LRRC37A2: variants seen among roughly 807,000 people sequenced by gnomAD.
LRRC37A2 encodes the protein leucine rich repeat containing 37 member A2, also known as leucine-rich repeat-containing protein 37A2.
LRRC37A2 carries 9 observed loss-of-function variants against 68.8 expected under a neutral mutation model. That is an observed-to-expected ratio of 0.13 (90% CI 0.08 to 0.23). The LOEUF is 0.23. Among genes scored for constraint, LRRC37A2 ranks in the 10% least tolerant of loss-of-function variants. LRRC37A2 has a pLI of 1.00. For missense variants in LRRC37A2, 168 were observed against 950.4 expected, an observed-to-expected ratio of 0.18 and a Z score of 10.82; for synonymous variants, 63 against 367.6, an observed-to-expected ratio of 0.17 and a Z score of 9.48.
At chr17:46,948,596 G>A in the LRRC37A2 span, 1 of 152,238 alleles carries the variant, frequency 6.6e-6, no homozygotes, top group African/African-American at 2.4e-5. Flanking sequence ...AAATGGGAAT[G>A]CTAATAATGG....
chr17:46,758,275 G>A, the LRRC37A2 span, among the ~76,000 whole-genome samples: 1 of 152,232 alleles, frequency 6.6e-6, no homozygotes, highest in Non-Finnish European at 1.5e-5. Context: ...AAGTCCACAA[G>A]GCCCTGTGGG....
At chr17:46,728,684 CTG>C in the LRRC37A2 span, among the ~76,000 whole-genome samples, 1 of 150,302 alleles carries the variant, frequency 6.7e-6, no homozygotes, top group East Asian at 1.9e-4. Flanking sequence ...AGTTTTATGA[CTG>C]TTATTTAAGA....
chr17:46,990,781 A>G, the LRRC37A2 span, among the ~76,000 whole-genome samples: 106,268 of 151,762 alleles, frequency 0.7, 37,815 homozygotes, highest in Middle Eastern at 0.78. Context: ...AGCAATTCTC[A>G]TGCCTCAGCC....
the LRRC37A2 span, chr17:46,726,666 A>G: frequency 6.8e-7 from 1 of 1,464,990 alleles, no homozygotes; most frequent in Non-Finnish European, 9.6e-7. Context: ...TACAGCTAAT[A>G]TCTCAAAAGT....
At chr17:46,718,232 G>T in the LRRC37A2 span, among the ~76,000 whole-genome samples, 1 of 152,074 alleles carries the variant, frequency 6.6e-6, no homozygotes, top group African/African-American at 2.4e-5. Context: ...GCCCCAACAC[G>T]TGCACCCCTG....
chr17:46,788,889 T>C, the LRRC37A2 span, among the ~76,000 whole-genome samples: 2 of 152,308 alleles, frequency 1.3e-5, no homozygotes, highest in South Asian at 4.2e-4. Flanking sequence ...CCCTGCTGGC[T>C]CTCTGGGCCT....
chr17:46,454,237 C>A, the LRRC37A2 span, among the ~76,000 whole-genome samples: 58 of 104,816 alleles, frequency 5.5e-4, 1 homozygote, highest in Middle Eastern at 0.011. Context: ...TAAGCACAGT[C>A]CATAAATTAA....
chr17:46,939,489 G>T, the LRRC37A2 span: 6 of 986,376 alleles, frequency 6.1e-6, no homozygotes, highest in Non-Finnish European at 7.2e-6. Context: ...TAATAGAGTG[G>T]TTGGCTTTTA....
At chr17:46,830,610 T>C in the LRRC37A2 span, 42 of 398,664 alleles carry the variant, frequency 1.1e-4, no homozygotes, top group African/African-American at 7.6e-4. Flanking sequence ...ATTCTTTTAC[T>C]TTATTTTCTT....
chr17:46,547,158 T>G lies in LRRC37A2; in HGVS notation c.3172+785T>G, dbSNP rs1459823058. ...TCAGTGTTGCTTATTTTTCAAAACTTTTTTTTTTTTTTTTTTTTTTTACCA... is the reference window on the plus strand; with the variant it reads ...TCAGTGTTGCTTATTTTTCAAAACTGTTTTTTTTTTTTTTTTTTTTTACCA... On this transcript the variant is annotated intron_variant, in intron 9 of 14. Coordinates refer to ENST00000576629, the Ensembl canonical transcript of LRRC37A2. 4 of 64,996 alleles carry G rather than the reference T, an allele frequency of 6.2e-5. 1 individual carries two copies. Among genetic ancestry groups the G allele is most frequent in the Non-Finnish European group, 1.3e-4 (4 of 30,870 alleles). The allele number at this position is 64,996 out of a possible 1,614,324, so 4.0% of individuals were successfully genotyped here. A position where few individuals can be genotyped will look rare whatever the true frequency, so the allele number is the denominator to read the frequency against.
chr17:46,747,374 T>C, the LRRC37A2 span, among the ~76,000 whole-genome samples: 1 of 152,058 alleles, frequency 6.6e-6, no homozygotes, highest in Admixed American at 6.5e-5. Context: ...TCAAACTCCT[T>C]GGCTCAAGCG....
the LRRC37A2 span, among the ~76,000 whole-genome samples, chr17:47,014,083 G>T: frequency 7.0e-6 from 1 of 143,282 alleles, no homozygotes; most frequent in African/African-American, 2.6e-5. Context: ...ACAAGAGTGA[G>T]ACTCCATCTC....
At chr17:46,725,473 A>G in the LRRC37A2 span, among the ~76,000 whole-genome samples, 1 of 152,190 alleles carries the variant, frequency 6.6e-6, no homozygotes, top group African/African-American at 2.4e-5. Flanking sequence ...ATGCCAGGAA[A>G]GAGGTAAGGA....
chr17:46,709,384 G>A, the LRRC37A2 span, among the ~76,000 whole-genome samples: 8 of 152,056 alleles, frequency 5.3e-5, no homozygotes, highest in East Asian at 5.8e-4. Context: ...AGATATACAC[G>A]TTATATATCT....
chr17:46,934,643 A>G, the LRRC37A2 span, among the ~76,000 whole-genome samples: 1 of 152,236 alleles, frequency 6.6e-6, no homozygotes, highest in South Asian at 2.1e-4. Context: ...ACACTGCATT[A>G]AGGGGAAGCC....
the LRRC37A2 span, among the ~76,000 whole-genome samples, chr17:46,928,742 C>T: frequency 6.6e-6 from 1 of 152,154 alleles, no homozygotes; most frequent in Non-Finnish European, 1.5e-5. Context: ...TCCTCTCCCC[C>T]AACCCGATTC....
chr17:46,943,580 C>G, the LRRC37A2 span, among the ~76,000 whole-genome samples: 1 of 152,228 alleles, frequency 6.6e-6, no homozygotes, highest in South Asian at 2.1e-4. Flanking sequence ...AGTTGCTCCT[C>G]ACCGCAGGGG....
chr17:46,787,811 C>A, the LRRC37A2 span, among the ~76,000 whole-genome samples: 2 of 152,166 alleles, frequency 1.3e-5, no homozygotes, highest in African/African-American at 4.8e-5. Flanking sequence ...AAAAAATTAA[C>A]CAGGCGTGGT....
At chr17:46,749,394 C>T in the LRRC37A2 span, among the ~76,000 whole-genome samples, 1 of 152,170 alleles carries the variant, frequency 6.6e-6, no homozygotes, top group African/African-American at 2.4e-5. Flanking sequence ...GTAAAGCCAG[C>T]GCCACATACT....
Sources: allele counts gnomAD v4.1 joint callset (sites outside exome capture counted in the v4.1 genomes callset), GRCh38; gene constraint gnomAD v4.1.1; transcripts MANE v1.5; gene names NCBI Gene and HGNC (gene_info 2026-07-23, HGNC 2026-07-21).